The following RIMS2 variants were observed in gnomAD, a reference collection of about 807,000 sequenced individuals.
RIMS2 encodes the protein regulating synaptic membrane exocytosis 2, also known as regulating synaptic membrane exocytosis protein 2.
In RIMS2, 59 loss-of-function variants were observed where a neutral mutation model predicts 174.4. The observed-to-expected ratio is 0.34, with a 90% CI of 0.27 to 0.42. The LOEUF is 0.42. Ranked by LOEUF, RIMS2 falls within the 10% of genes least tolerant of loss-of-function variation. RIMS2 has a pLI of 1.00. For synonymous variants in RIMS2, 606 were observed against 572.5 expected (o/e 1.06, Z -0.84); for missense variants, 1,620 against 1,666.3 (o/e 0.97, Z 0.48).
At position 103,936,828 on chromosome 8, in the gene RIMS2, G is replaced by A. The variant is rs2081353870; in HGVS notation, c.2547+106G>A. 17 of 834,320 alleles carry A rather than the reference G, an allele frequency of 2.0e-5. No individual in the cohort carries two copies. In the South Asian group the frequency reaches 3.6e-4, roughly 18 times the overall value. The allele number at this position is 834,320 out of a possible 1,614,324, so 51.7% of individuals were successfully genotyped here. A position where few individuals can be genotyped will look rare whatever the true frequency, so the allele number is the denominator to read the frequency against. ...TTTGTAGAATAGGCCAGGCATGGTG[G>A]CTCATGCCTGTAATCTCAGCACTTT... On this transcript the variant is annotated intron_variant, in intron 13 of 23. Coordinates refer to ENST00000504942, the Ensembl canonical transcript of RIMS2.
At chr8:103,653,256 C>G (rs1254841179) in intron 1 of RIMS2, among the ~76,000 whole-genome samples, 3 of 152,106 alleles carry the variant, frequency 2.0e-5, no homozygotes, top group Non-Finnish European at 4.4e-5. Flanking sequence ...GGAAATGTGG[C>G]AATATATTCT....
intron 1 of RIMS2, among the ~76,000 whole-genome samples, chr8:103,623,165 T>C (rs2095675984): frequency 6.6e-6 from 1 of 152,180 alleles, no homozygotes; most frequent in African/African-American, 2.4e-5. Context: ...TGAAAGAGTA[T>C]GGGCTTCTGA....
intron 1 of RIMS2, among the ~76,000 whole-genome samples, chr8:103,589,152 A>C (rs374877360): frequency 1.3e-5 from 2 of 151,630 alleles, no homozygotes; most frequent in African/African-American, 4.8e-5. Flanking sequence ...ATTTGGAAAA[A>C]CCTAAAGACT....
intron 19 of RIMS2, among the ~76,000 whole-genome samples, chr8:104,194,163 G>T (rs1467332113): frequency 6.6e-6 from 1 of 151,022 alleles, no homozygotes; most frequent in Non-Finnish European, 1.5e-5. Flanking sequence ...TTTTTCAAAT[G>T]AGCAAAATGC....
chr8:103,868,920 AAGT>A (rs2099096556), intron 3 of RIMS2, among the ~76,000 whole-genome samples: 1 of 152,148 alleles, frequency 6.6e-6, no homozygotes, highest in Non-Finnish European at 1.5e-5. Context: ...CATATATGTT[AAGT>A]ATTTAACTGC....
At chr8:104,245,459 G>A (rs549061291) in intron 20 of RIMS2, among the ~76,000 whole-genome samples, 10 of 152,218 alleles carry the variant, frequency 6.6e-5, no homozygotes, top group East Asian at 5.8e-4. Context: ...GAATGCTGGC[G>A]TATACTTAGT....
At chr8:104,174,714 G>A (rs528557485) in intron 19 of RIMS2, among the ~76,000 whole-genome samples, 9 of 152,250 alleles carry the variant, frequency 5.9e-5, no homozygotes, top group East Asian at 1.9e-4. Context: ...AAGGTGTTGC[G>A]GGGAAGAAGG....
chr8:103,891,642 T>C (rs1314994745), intron 4 of RIMS2, among the ~76,000 whole-genome samples: 1 of 152,082 alleles, frequency 6.6e-6, no homozygotes, highest in Non-Finnish European at 1.5e-5. Flanking sequence ...AGGCCTTTTT[T>C]TGTTTCTGTA....
At chr8:103,640,731 T>C (rs2096210793) in intron 1 of RIMS2, among the ~76,000 whole-genome samples, 1 of 152,100 alleles carries the variant, frequency 6.6e-6, no homozygotes. Flanking sequence ...TTGAATGATT[T>C]GTATTCTTTT....
chr8:103,507,159 C>G (rs932644618), intron 1 of RIMS2, among the ~76,000 whole-genome samples: 1 of 152,238 alleles, frequency 6.6e-6, no homozygotes, highest in African/African-American at 2.4e-5. Flanking sequence ...TACACTTAAG[C>G]TTTGTATGAT....
intron 4 of RIMS2, among the ~76,000 whole-genome samples, chr8:103,904,938 G>T (rs1227394593): frequency 1.3e-5 from 2 of 151,684 alleles, no homozygotes; most frequent in Non-Finnish European, 2.9e-5. Context: ...GGTTGCTTTA[G>T]GTAATATATT....
At chr8:103,886,505 A>G (rs2099202469) in intron 4 of RIMS2, among the ~76,000 whole-genome samples, 1 of 151,918 alleles carries the variant, frequency 6.6e-6, no homozygotes, top group Non-Finnish European at 1.5e-5. Context: ...TTTCAAAAAT[A>G]TCCATTAACT....
At chr8:104,023,816 G>A (rs1160639781) in intron 19 of RIMS2, among the ~76,000 whole-genome samples, 1 of 152,078 alleles carries the variant, frequency 6.6e-6, no homozygotes, top group African/African-American at 2.4e-5. Flanking sequence ...ATAATGAAGA[G>A]GTCCAAGAAG....
At chr8:103,551,608 G>C (rs902020610) in intron 1 of RIMS2, among the ~76,000 whole-genome samples, 1 of 152,146 alleles carries the variant, frequency 6.6e-6, no homozygotes, top group Non-Finnish European at 1.5e-5. Context: ...AGGGCAATCA[G>C]ACAGGAGAAA....
At chr8:103,937,519 A>G (rs1373432490) in intron 13 of RIMS2, among the ~76,000 whole-genome samples, 1 of 152,256 alleles carries the variant, frequency 6.6e-6, no homozygotes, top group African/African-American at 2.4e-5. Flanking sequence ...TTTACAATTC[A>G]TTGGTGATAC....
chr8:103,966,590 C>G (rs902037927), intron 15 of RIMS2, among the ~76,000 whole-genome samples: 1 of 151,848 alleles, frequency 6.6e-6, no homozygotes, highest in Admixed American at 6.6e-5. Context: ...TGTTGATTTT[C>G]TCTATTGATT....
At chr8:103,813,565 C>T (rs1023858976) in intron 3 of RIMS2, among the ~76,000 whole-genome samples, 2 of 152,210 alleles carry the variant, frequency 1.3e-5, no homozygotes, top group African/African-American at 4.8e-5. Flanking sequence ...TCCCACCCCA[C>T]GACAGGCCCC....
intron 1 of RIMS2, among the ~76,000 whole-genome samples, chr8:103,672,437 TA>T (rs567480124): frequency 2.6e-5 from 4 of 151,876 alleles, no homozygotes; most frequent in Non-Finnish European, 5.9e-5. Flanking sequence ...GGCTTTAAAG[TA>T]AACATGGTGC....
At chr8:103,970,071 A>T (rs1407141785) in intron 15 of RIMS2, among the ~76,000 whole-genome samples, 1 of 152,020 alleles carries the variant, frequency 6.6e-6, no homozygotes, top group African/African-American at 2.4e-5. Flanking sequence ...TTTCTTGATA[A>T]TTTTTTTATT....
Sources: allele counts gnomAD v4.1 joint callset (sites outside exome capture counted in the v4.1 genomes callset), GRCh38; gene constraint gnomAD v4.1.1; transcripts MANE v1.5; gene names NCBI Gene and HGNC (gene_info 2026-07-23, HGNC 2026-07-21).